MVD: variants seen among roughly 807,000 people sequenced by gnomAD.
The protein encoded by MVD is mevalonate diphosphate decarboxylase, also known as diphosphomevalonate decarboxylase.
A neutral mutation model predicts 42.4 loss-of-function variants in MVD; 52 were observed. That is an observed-to-expected ratio of 1.23 (90% CI 0.98 to 1.55). MVD has a LOEUF of 1.55. Ranked by LOEUF, MVD falls within the 40% of genes most tolerant of loss-of-function variation. The pLI, the probability that MVD is intolerant of heterozygous loss-of-function variation, is 0.00. For synonymous variants in MVD, 287 were observed against 243.2 expected (o/e 1.18, Z -1.68); for missense variants, 663 against 572.1 (o/e 1.16, Z -1.62).
rs200100993 is a variant in MVD at position 88,657,579 on chromosome 16, C to A, written c.260G>T (p.Arg87Leu). 6.2e-7 allele frequency: 1 copy of A among 1,612,176 alleles called. No individual in the cohort carries two copies. The highest frequency in any genetic ancestry group is 2.2e-5 in the East Asian group (1 of 44,864). The change falls in exon 4 of 10, where the codon CGC (arginine) becomes CTC (leucine). Residue 87 changes from arginine (R) to leucine (L), a missense_variant. Coordinates refer to ENST00000301012, the MANE Select transcript of MVD (RefSeq NM_002461.3). ...GTTCCTCCGCTTCCGGGCCAGGCAGCGGACTGCAGAGACAATGAGACAGCG... is the reference window on the plus strand; with the variant it reads ...GTTCCTCCGCTTCCGGGCCAGGCAGAGGACTGCAGAGACAATGAGACAGCG... ...PRLQACLREI[R>L]CLARKRRNSR...
chr16:88,659,201 C>T (rs190473409), intron 1 of MVD: 53 of 184,880 alleles, frequency 2.9e-4, no homozygotes, highest in African/African-American at 1.2e-3. Context: ...GCCCTGGGAG[C>T]GCTGCGTGGT....
intron 5 of MVD, 124 bp from the exon 6 acceptor site, chr16:88,655,854 GCCTGACCACAGAGGCCT>G: frequency 8.0e-7 from 1 of 1,242,378 alleles, no homozygotes; most frequent in South Asian, 1.4e-5. Flanking sequence ...AGTGCCACCT[GCCTGACCACAGAGGCCT>G]CCCGGCCACA....
intron 5 of MVD, 149 bp downstream of exon 5, chr16:88,655,956 A>G (rs1271012267): frequency 8.2e-7 from 1 of 1,220,360 alleles, no homozygotes; most frequent in Non-Finnish European, 1.1e-6. Context: ...GTTCCTGAGC[A>G]CTCAACCACG....
intron 7 of MVD, 43 bp from the exon 8 acceptor site, chr16:88,654,850 G>T: frequency 6.6e-7 from 1 of 1,517,588 alleles, no homozygotes; most frequent in Non-Finnish European, 8.9e-7. Context: ...CGTGGTGCCT[G>T]ACCCTTGTCT....
intron 1 of MVD, chr16:88,659,175 C>T (rs1238803855): frequency 5.3e-6 from 1 of 188,442 alleles, no homozygotes; most frequent in Non-Finnish European, 1.1e-5. Flanking sequence ...TCCAGAAAGC[C>T]CGAAAGGAAA....
chr16:88,652,213 T>G lies in MVD; in HGVS notation c.*312A>C, dbSNP rs964757746. 3 of 506,992 alleles carry G rather than the reference T, an allele frequency of 5.9e-6. No individual in the cohort carries two copies. The East Asian group carries it at 1.1e-4, about 18-fold the overall frequency. The allele number at this position is 506,992 out of a possible 1,614,324, so 31.4% of individuals were successfully genotyped here. On this transcript the variant is annotated 3_prime_UTR_variant, in exon 10 of 10. Coordinates refer to ENST00000301012, the MANE Select transcript of MVD (RefSeq NM_002461.3). Reference sequence around the variant, plus strand: ...AGCTCCTTTCTCAGAGAACTGGGCATAGCCAGAGCTGGGGTGAGAAAGCCC... The same window carrying G: ...AGCTCCTTTCTCAGAGAACTGGGCAGAGCCAGAGCTGGGGTGAGAAAGCCC...
intron 1 of MVD, chr16:88,660,478 C>G (rs1908223882): frequency 6.6e-6 from 1 of 151,704 alleles, no homozygotes; most frequent in African/African-American, 2.4e-5. Flanking sequence ...AACCCCGTCT[C>G]CACTAAAAGT....
rs9302778 is a variant in MVD at position 88,657,130 on chromosome 16, TGGG to T, written c.403+303_403+305del. On this transcript the variant is annotated intron_variant, in intron 4 of 9. Coordinates refer to ENST00000301012, the MANE Select transcript of MVD (RefSeq NM_002461.3). ...AAGATTTTTTTATTTTTTGTAGAGATGGGGGGGGGTCTCACTATGTTGCCCAGG... is the reference window on the plus strand; with the variant it reads ...AAGATTTTTTTATTTTTTGTAGAGATGGGGGGTCTCACTATGTTGCCCAGG... The T allele has an allele frequency of 3.0e-5, 14 of 460,814 alleles. 1 individual carries two copies. The highest frequency in any genetic ancestry group is 2.2e-4 in the South Asian group (11 of 50,468). The allele number at this position is 460,814 out of a possible 1,614,324, so 28.5% of individuals were successfully genotyped here.
chr16:88,657,102 G>A (rs1016021323), intron 4 of MVD: 61 of 482,346 alleles, frequency 1.3e-4, no homozygotes, highest in Non-Finnish European at 2.0e-4. Context: ...ATACAGCAAC[G>A]GGAAGATTTT....
chr16:88,658,787 G>A, intron 1 of MVD, 67 bp from the exon 2 acceptor site: 6 of 1,071,214 alleles, frequency 5.6e-6, no homozygotes, highest in Non-Finnish European at 7.3e-6. Context: ...GTTCCCCACA[G>A]GTGCCCCCAC....
chr16:88,656,458 C>G, intron 4 of MVD, 154 bp from the exon 5 acceptor site: 1 of 759,850 alleles, frequency 1.3e-6, no homozygotes, highest in African/African-American at 1.7e-5. Context: ...CCAGCATTCA[C>G]CGGCCCAGCC....
chr16:88,655,772 G>A, intron 5 of MVD, 42 bp from the exon 6 acceptor site: 1 of 1,543,102 alleles, frequency 6.5e-7, no homozygotes. Flanking sequence ...CCTGCAGGGG[G>A]CCAGCCCCAA....
intron 1 of MVD, among the ~76,000 whole-genome samples, chr16:88,662,485 CG>C (rs1446095233): frequency 1.3e-5 from 2 of 152,238 alleles, no homozygotes; most frequent in Admixed American, 1.3e-4. Flanking sequence ...AGGTGCGGAC[CG>C]GCCTCCCCGG....
intron 1 of MVD, chr16:88,662,589 G>T: frequency 1.1e-6 from 1 of 932,940 alleles, no homozygotes; most frequent in Non-Finnish European, 1.4e-6. Flanking sequence ...GTCTCGGGCT[G>T]GGGGAGCAGT....
intron 1 of MVD, among the ~76,000 whole-genome samples, chr16:88,661,905 G>A (rs1261895960): frequency 1.4e-5 from 2 of 139,360 alleles, no homozygotes; most frequent in African/African-American, 5.5e-5. Flanking sequence ...CATCTATATA[G>A]GTGTATACAT....
In MVD at chr16:88,653,355, G is replaced by C; in HGVS notation, c.1067C>G (p.Ala356Gly). ...RPAPLSAELQAALAMEPTPGG... is the reference protein window; with the variant it reads ...RPAPLSAELQGALAMEPTPGG... ...GGGGGTCGGCTCCATGGCCAGCGCA[G>C]CCTGAAGCTCAGCTGAGAGAGGGGC... Residue 356 changes from alanine (A) to glycine (G), a missense_variant, in exon 9 of 10, where the codon GCT becomes GGT. Coordinates refer to ENST00000301012, the MANE Select transcript of MVD (RefSeq NM_002461.3). 6.3e-7 allele frequency: 1 copy of C among 1,599,852 alleles called. No individual in the cohort carries two copies. The highest frequency in any genetic ancestry group is 8.5e-7 in the Non-Finnish European group (1 of 1,176,496).
intron 9 of MVD, 73 bp downstream of exon 9, chr16:88,653,227 G>A: frequency 1.6e-6 from 2 of 1,240,730 alleles, no homozygotes; most frequent in Non-Finnish European, 2.3e-6. Context: ...AGCCTTTAAG[G>A]GCCCTGGGGG....
At chr16:88,656,378 GA>G in intron 4 of MVD, 74 bp from the exon 5 acceptor site, 1 of 1,511,552 alleles carries the variant, frequency 6.6e-7, no homozygotes, top group African/African-American at 1.4e-5. Flanking sequence ...ACCGCCCCAG[GA>G]ACGTCCCACA....
At chr16:88,658,624 G>T in intron 2 of MVD, 26 bp downstream of exon 2, 2 of 1,607,332 alleles carry the variant, frequency 1.2e-6, no homozygotes, top group Non-Finnish European at 1.7e-6. Flanking sequence ...TGGCACTGTG[G>T]TGTTTAGTCG....
Sources: allele counts gnomAD v4.1 joint callset (sites outside exome capture counted in the v4.1 genomes callset), GRCh38; gene constraint gnomAD v4.1.1; transcripts MANE v1.5; gene names NCBI Gene and HGNC (gene_info 2026-07-23, HGNC 2026-07-21).